Variants in B4GALNT3 observed in about 807,000 individuals in gnomAD.
The protein encoded by B4GALNT3 is beta-1,4-N-acetyl-galactosaminyltransferase 3.
B4GALNT3 carries 86 observed loss-of-function variants against 120.2 expected under a neutral mutation model. The ratio of observed to expected loss-of-function variants is 0.72; its 90% CI spans 0.60 to 0.86. B4GALNT3 has a LOEUF of 0.86. B4GALNT3 is among the 40% of genes least tolerant of loss of function. The pLI, the probability that B4GALNT3 is intolerant of heterozygous loss-of-function variation, is 0.00. For missense variants in B4GALNT3, 1,167 were observed against 1,298.9 expected, an observed-to-expected ratio of 0.90 and a Z score of 1.56; for synonymous variants, 518 against 510.4, an observed-to-expected ratio of 1.01 and a Z score of -0.20.
chr12:551,092 G>A (rs1947077309), intron 11 of B4GALNT3, 61 bp downstream of exon 11: 6 of 1,394,378 alleles, frequency 4.3e-6, no homozygotes, highest in Non-Finnish European at 6.1e-6. Context: ...GCCTGTGACT[G>A]GGATGGGAGG....
intron 1 of B4GALNT3, among the ~76,000 whole-genome samples, chr12:477,392 C>A (rs1250617212): frequency 1.3e-5 from 2 of 152,214 alleles, no homozygotes; most frequent in East Asian, 3.8e-4. Flanking sequence ...ATGTTCCCAA[C>A]TCAGCTGCCT....
Position 460,415 on chromosome 12 carries a change from G to A in B4GALNT3, c.39G>A (p.Leu13=). The change falls in exon 1 of 20, where the codon CTG becomes CTA. Residue 13 remains leucine (L), a synonymous_variant. Transcript: ENST00000266383. The surrounding 1 kb of genome is among the most constrained non-coding windows in gnomAD (Gnocchi z 8.0). ...SPRAARPPLL[L]RPVKLLRRRF... ...GGGCCGCGCGGCCCCCGCTGCTCCT[G>A]CGCCCGGTGAAGCTGCTGCGGAGGC... 6.5e-7 allele frequency: 1 copy of A among 1,530,270 alleles called. No homozygotes were observed. The highest frequency in any genetic ancestry group is 8.8e-7 in the Non-Finnish European group (1 of 1,141,670). The allele number at this position is 1,530,270 out of a possible 1,614,324, so 94.8% of individuals were successfully genotyped here.
chr12:513,312 A>G (rs1271235984), intron 1 of B4GALNT3, among the ~76,000 whole-genome samples: 1 of 152,280 alleles, frequency 6.6e-6, no homozygotes, highest in East Asian at 1.9e-4. Flanking sequence ...AAGGAGTAAA[A>G]CAATGACTAT....
chr12:528,136 G>A (rs999490904), intron 1 of B4GALNT3, among the ~76,000 whole-genome samples: 1 of 152,024 alleles, frequency 6.6e-6, no homozygotes, highest in Non-Finnish European at 1.5e-5. Context: ...ATACTGGCTC[G>A]GTCACCTACT....
chr12:512,642 CCTTCCA>C (rs1946600394), intron 1 of B4GALNT3, among the ~76,000 whole-genome samples: 1 of 130,928 alleles, frequency 7.6e-6, no homozygotes, highest in Non-Finnish European at 1.7e-5. Context: ...CCGCCTTCCA[CCTTCCA>C]CCTTCCACCT....
chr12:511,335 A>ACCTTCCT (rs1946551750), intron 1 of B4GALNT3, among the ~76,000 whole-genome samples: 1 of 28,886 alleles, frequency 3.5e-5, no homozygotes, highest in Non-Finnish European at 6.2e-5. Context: ...TCCACCTTCC[A>ACCTTCCT]CCTTCCTTCC....
At chr12:476,161 G>A (rs1162655126) in intron 1 of B4GALNT3, among the ~76,000 whole-genome samples, 7 of 152,166 alleles carry the variant, frequency 4.6e-5, no homozygotes, top group Non-Finnish European at 8.8e-5. Context: ...GCCTCAATAT[G>A]TCCCAGTTTC....
chr12:489,639 G>A (rs1178944884), intron 1 of B4GALNT3, among the ~76,000 whole-genome samples: 3 of 152,146 alleles, frequency 2.0e-5, no homozygotes, highest in Non-Finnish European at 2.9e-5. Flanking sequence ...AAAAGAAAGC[G>A]GAAGAATAGA....
chr12:511,692 TG>T (rs1946566317), intron 1 of B4GALNT3, among the ~76,000 whole-genome samples: 4 of 23,562 alleles, frequency 1.7e-4, no homozygotes, highest in Admixed American at 5.5e-4. Context: ...TTCCACCTTC[TG>T]TCTTCCACCT....
intron 3 of B4GALNT3, among the ~76,000 whole-genome samples, chr12:543,724 T>C (rs567628052): frequency 4.4e-4 from 34 of 77,904 alleles, no homozygotes; most frequent in South Asian, 1.7e-3. Context: ...CTCATCCTCC[T>C]GGAACTGAGG....
chr12:472,483 C>G (rs528405309), intron 1 of B4GALNT3, among the ~76,000 whole-genome samples: 49 of 141,740 alleles, frequency 3.5e-4, no homozygotes, highest in African/African-American at 1.3e-3. Flanking sequence ...GAGTCTCGCT[C>G]TTTCGCCCAG....
intron 17 of B4GALNT3, 122 bp downstream of exon 17, chr12:558,210 C>T (rs1239394075): frequency 9.1e-7 from 1 of 1,099,872 alleles, no homozygotes; most frequent in Non-Finnish European, 1.3e-6. Flanking sequence ...CACAGGAGGT[C>T]CTCTCTGCTG....
chr12:511,927 C>A (rs1336281954), intron 1 of B4GALNT3, among the ~76,000 whole-genome samples: 1 of 140,376 alleles, frequency 7.1e-6, no homozygotes, highest in Non-Finnish European at 1.6e-5. Context: ...TTCCACCTTC[C>A]ACCTTCCACC....
intron 1 of B4GALNT3, among the ~76,000 whole-genome samples, chr12:520,705 CTCTTGAACCTGGGA>C (rs1946701212): frequency 1.3e-5 from 1 of 78,154 alleles, no homozygotes; most frequent in Non-Finnish European, 2.6e-5. Context: ...GCAGGAGAAT[CTCTTGAACCTGGGA>C]GGCGGAGGTT....
chr12:528,466 T>C (rs1946777709), intron 1 of B4GALNT3, among the ~76,000 whole-genome samples: 1 of 152,238 alleles, frequency 6.6e-6, no homozygotes. Context: ...TGTATATAAA[T>C]GCCTAACACG....
chr12:484,998 T>C (rs1044808623), intron 1 of B4GALNT3, among the ~76,000 whole-genome samples: 1 of 152,206 alleles, frequency 6.6e-6, no homozygotes, highest in Middle Eastern at 3.4e-3. Context: ...AGCTATGGTG[T>C]TCTCGCATAG....
intron 1 of B4GALNT3, among the ~76,000 whole-genome samples, chr12:511,431 T>TCTTCCACCTTCCACCTTCCAC (rs1356142602): frequency 4.3e-4 from 21 of 48,544 alleles, no homozygotes; most frequent in Admixed American, 2.5e-3. Flanking sequence ...CCTTCCACCT[T>TCTTCCACCTTCCACCTTCCAC]CTTCCACCTT....
At chr12:538,560 C>CA (rs771053015) in intron 3 of B4GALNT3, among the ~76,000 whole-genome samples, 5,450 of 63,234 alleles carry the variant, frequency 0.086, 249 homozygotes, top group African/African-American at 0.16. Context: ...AACCCCATCT[C>CA]AAAAAAAAAA....
chr12:492,825 C>T (rs751240017), intron 1 of B4GALNT3, among the ~76,000 whole-genome samples: 4 of 151,614 alleles, frequency 2.6e-5, no homozygotes, highest in Non-Finnish European at 5.9e-5. Context: ...TTATATTCAA[C>T]TGGTCTTTGA....
Sources: gnomAD v4.1 joint callset for allele counts (sites outside exome capture counted in the v4.1 genomes callset) on GRCh38, gnomAD v4.1.1 for gene constraint, Gnocchi (gnomAD v3.1) non-coding constraint, MANE v1.5 for transcripts, NCBI Gene and HGNC (gene_info 2026-07-23, HGNC 2026-07-21) for gene names.